The following NEBL variants were observed in gnomAD, a reference collection of about 807,000 sequenced individuals.
NEBL encodes nebulette.
A neutral mutation model predicts 140.2 loss-of-function variants in NEBL; 122 were observed. The observed-to-expected ratio is 0.87, with a 90% CI of 0.75 to 1.01. The LOEUF is 1.01. Ranked by LOEUF, NEBL falls within the 50% of genes least tolerant of loss-of-function variation. The pLI is 0.00. For missense variants in NEBL, 1,365 were observed against 1,231.3 expected (o/e 1.11, Z -1.62); for synonymous variants, 436 against 398.9 (o/e 1.09, Z -1.11).
At chr10:21,167,987 C>G (rs1393644276) in intron 2 of NEBL, among the ~76,000 whole-genome samples, 5 of 152,108 alleles carry the variant, frequency 3.3e-5, no homozygotes, top group Admixed American at 2.6e-4. Context: ...ATAGTGTGCA[C>G]TGCTGCGTTA....
chr10:21,275,427 T>C (rs1842908435), intron 1 of NEBL, among the ~76,000 whole-genome samples: 1 of 152,078 alleles, frequency 6.6e-6, no homozygotes, highest in Non-Finnish European at 1.5e-5. Context: ...GACTCCAAAA[T>C]AGGGGTCTCC....
At chr10:20,858,173 C>A (rs932151625) in intron 9 of NEBL, 67 bp downstream of exon 9, 1 of 1,246,922 alleles carries the variant, frequency 8.0e-7, no homozygotes, top group African/African-American at 1.5e-5. Context: ...AGCACATGAA[C>A]GCTGCAGACA....
intron 3 of NEBL, among the ~76,000 whole-genome samples, chr10:21,230,697 T>G (rs1842237098): frequency 6.7e-6 from 1 of 150,034 alleles, no homozygotes; most frequent in African/African-American, 2.5e-5. Flanking sequence ...CTCCGCCCCC[T>G]GGGTTCAAGC....
intron 4 of NEBL, among the ~76,000 whole-genome samples, chr10:20,884,907 G>A (rs1846352920): frequency 1.3e-5 from 2 of 152,224 alleles, no homozygotes; most frequent in South Asian, 4.1e-4. Context: ...ATTGTTAACA[G>A]GGGATAGCTA....
At chr10:20,855,537 G>A (rs1012607453) in intron 9 of NEBL, among the ~76,000 whole-genome samples, 4 of 143,528 alleles carry the variant, frequency 2.8e-5, no homozygotes, top group South Asian at 2.2e-4. Context: ...AAAAAAAAAC[G>A]AAGGAAAACT....
Position 21,071,989 on chromosome 10 carries a change from T to C in NEBL, c.165-51788A>G, listed in dbSNP as rs557249007. On this transcript the variant is annotated intron_variant, in intron 2 of 6. Transcript: ENST00000417816. ...GCCTGCCACCACACCCAGCTAATTT[T>C]TGTGTTTTAGTAGAGATGGGGTTTC... is the stretch of plus-strand genomic sequence containing the variant. 3.3e-5 allele frequency among the ~76,000 whole-genome samples: 5 copies of C among 152,206 alleles called. No individual in the cohort carries two copies. The South Asian group carries it at 1.0e-3, about 32-fold the overall frequency.
At chr10:21,056,138 AT>A (rs1207372966) in intron 2 of NEBL, among the ~76,000 whole-genome samples, 2 of 152,200 alleles carry the variant, frequency 1.3e-5, no homozygotes, top group Non-Finnish European at 2.9e-5. Flanking sequence ...ATGTAGGATG[AT>A]TATCTGCTTT....
chr10:21,137,703 C>G (rs1197543081), intron 2 of NEBL, among the ~76,000 whole-genome samples: 2 of 152,022 alleles, frequency 1.3e-5, no homozygotes, highest in African/African-American at 4.8e-5. Context: ...GAGGCTGAAG[C>G]AGAAGGATTG....
At chr10:21,059,600 G>A (rs1835185933) in intron 2 of NEBL, among the ~76,000 whole-genome samples, 2 of 152,176 alleles carry the variant, frequency 1.3e-5, no homozygotes, top group Admixed American at 6.5e-5. Flanking sequence ...TTAACAGCTG[G>A]AAAAGCATAA....
chr10:21,271,368 G>C (rs983909274), intron 1 of NEBL, among the ~76,000 whole-genome samples: 1 of 152,182 alleles, frequency 6.6e-6, no homozygotes, highest in Non-Finnish European at 1.5e-5. Context: ...AGAGGTGGTT[G>C]CTAGCGGCTG....
At chr10:21,174,544 G>C (rs1469319530), upstream of NEBL, 1 of 151,926 alleles carries the variant, frequency 6.6e-6, no homozygotes, top group Non-Finnish European at 1.5e-5. Flanking sequence ...CGGGGAGTGC[G>C]GGGCCAGGGT....
intron 4 of NEBL, among the ~76,000 whole-genome samples, chr10:20,937,254 C>G (rs1321615400): frequency 2.6e-5 from 4 of 152,180 alleles, no homozygotes; most frequent in African/African-American, 9.7e-5. Flanking sequence ...ACTGAGAAAG[C>G]TCGATTTCAT....
rs935769184 is a variant in NEBL at position 21,261,484 on chromosome 10, G to T, written n.183-9656C>A. On this transcript the variant is annotated intron_variant and non_coding_transcript_variant, in intron 1 of 8. Coordinates refer to the NEBL transcript ENST00000675702. ...AGACCAACCTGGGCAACAAAGTGAGGCACTATCCCTACAAACAATATAAAA... is the reference window on the plus strand; with the variant it reads ...AGACCAACCTGGGCAACAAAGTGAGTCACTATCCCTACAAACAATATAAAA... 3.9e-5 allele frequency among the ~76,000 whole-genome samples: 6 copies of T among 152,002 alleles called. No individual in the cohort carries two copies. In the Middle Eastern group the frequency reaches 0.01, roughly 259 times the overall value.
intron 3 of NEBL, among the ~76,000 whole-genome samples, chr10:21,224,768 A>T (rs183644089): frequency 1.7e-4 from 26 of 152,276 alleles, no homozygotes; most frequent in African/African-American, 6.3e-4. Context: ...TGTAGCTGTT[A>T]TAAGTGGGAT....
At chr10:21,013,555 A>G (rs895131841) in intron 3 of NEBL, among the ~76,000 whole-genome samples, 2 of 152,172 alleles carry the variant, frequency 1.3e-5, no homozygotes, top group South Asian at 2.1e-4. Context: ...GTTTGTGTTT[A>G]GAAGTCTGAA....
chr10:20,938,118 T>C (rs1451114217), intron 4 of NEBL, among the ~76,000 whole-genome samples: 1 of 152,144 alleles, frequency 6.6e-6, no homozygotes, highest in Non-Finnish European at 1.5e-5. Flanking sequence ...CAGCTGGAGA[T>C]CTGAGAATGG....
rs139290132 is a variant in NEBL at position 20,797,188 on chromosome 10, T to C, written c.2762-9880A>G. On this transcript the variant is annotated intron_variant, in intron 26 of 27. Transcript: ENST00000377122. Reference sequence around the variant, plus strand: ...CCTCAGTGAATACTACTGTCCATGTTGTATAAATCAATATTTAATATGAAG... The same window carrying C: ...CCTCAGTGAATACTACTGTCCATGTCGTATAAATCAATATTTAATATGAAG... 5.9e-5 allele frequency among the ~76,000 whole-genome samples: 9 copies of C among 152,358 alleles called. No individual in the cohort carries two copies. The East Asian group carries it at 1.7e-3, about 29-fold the overall frequency.
chr10:20,935,477 C>A (rs554115861), intron 4 of NEBL, among the ~76,000 whole-genome samples: 1 of 152,132 alleles, frequency 6.6e-6, no homozygotes, highest in African/African-American at 2.4e-5. Flanking sequence ...AGAACATGCT[C>A]CCCTCGGTAG....
chr10:21,203,719 G>A (rs1159663356), intron 3 of NEBL, among the ~76,000 whole-genome samples: 2 of 152,122 alleles, frequency 1.3e-5, no homozygotes, highest in Non-Finnish European at 2.9e-5. Context: ...ATGGCCCCTC[G>A]AAAAGGACAT....
Sources: allele counts gnomAD v4.1 joint callset (sites outside exome capture counted in the v4.1 genomes callset), GRCh38; gene constraint gnomAD v4.1.1; transcripts MANE v1.5; gene names NCBI Gene and HGNC (gene_info 2026-07-23, HGNC 2026-07-21).